Variants in CDH13 observed in about 807,000 individuals in gnomAD.
CDH13 encodes the protein cadherin-13.
A neutral mutation model predicts 63.8 loss-of-function variants in CDH13; 24 were observed. That is an observed-to-expected ratio of 0.38 (90% CI 0.27 to 0.53). The LOEUF (loss-of-function observed/expected upper bound fraction) is 0.53, where lower values mean the gene tolerates loss of function less well. Ranked by LOEUF, CDH13 falls within the 20% of genes least tolerant of loss-of-function variation. The pLI, the probability that CDH13 is intolerant of heterozygous loss-of-function variation, is 0.85. For missense variants in CDH13, 1,049 were observed against 903.1 expected (o/e 1.16, Z -2.07); for synonymous variants, 503 against 355.3 (o/e 1.42, Z -4.67).
intron 7 of CDH13, among the ~76,000 whole-genome samples, chr16:83,569,489 A>G (rs1359463595): frequency 6.6e-6 from 1 of 152,238 alleles, no homozygotes; most frequent in Non-Finnish European, 1.5e-5. Flanking sequence ...ACTATGCTTG[A>G]AATATATTTG....
intron 5 of CDH13, among the ~76,000 whole-genome samples, chr16:83,340,721 G>C (rs2090703185): frequency 6.6e-6 from 1 of 152,130 alleles, no homozygotes; most frequent in South Asian, 2.1e-4. Context: ...TGAATAGCAA[G>C]GTACTAGAAC....
chr16:83,780,751 C>G (rs569437431), intron 12 of CDH13, among the ~76,000 whole-genome samples: 170 of 152,288 alleles, frequency 1.1e-3, no homozygotes, highest in African/African-American at 3.8e-3. Flanking sequence ...TTGTAACTAG[C>G]TTACAAAGAA....
At chr16:82,997,829 G>A (rs1912415060) in intron 2 of CDH13, among the ~76,000 whole-genome samples, 1 of 152,118 alleles carries the variant, frequency 6.6e-6, no homozygotes, top group South Asian at 2.1e-4. Flanking sequence ...TTTTTAAATG[G>A]TAGGGAGTCA....
At chr16:83,402,717 C>G (rs1043711372) in intron 6 of CDH13, among the ~76,000 whole-genome samples, 6 of 152,202 alleles carry the variant, frequency 3.9e-5, no homozygotes, top group African/African-American at 1.4e-4. Flanking sequence ...GCCCAACACT[C>G]AGGAATCTGG....
intron 1 of CDH13, among the ~76,000 whole-genome samples, chr16:82,643,964 G>T (rs1043912564): frequency 4.6e-5 from 7 of 152,058 alleles, no homozygotes; most frequent in Non-Finnish European, 8.8e-5. Flanking sequence ...TGCCCATGCT[G>T]GTCTCGAACT....
chr16:83,720,257 C>T (rs1909511597), intron 10 of CDH13, among the ~76,000 whole-genome samples: 1 of 152,110 alleles, frequency 6.6e-6, no homozygotes. Flanking sequence ...CACACATTCA[C>T]ACACCACTCC....
At chr16:83,389,427 C>A (rs1291356740) in intron 6 of CDH13, among the ~76,000 whole-genome samples, 3 of 152,166 alleles carry the variant, frequency 2.0e-5, no homozygotes, top group East Asian at 1.9e-4. Flanking sequence ...TCCCATTTGA[C>A]CCCGAATTCC....
rs1359315215 is a variant in CDH13, at chr16:83,478,848, A to AG, written c.782-7629_782-7628insG. 4.0e-5 allele frequency among the ~76,000 whole-genome samples: 6 copies of AG among 150,550 alleles called. No homozygotes were observed. The South Asian group carries it at 6.3e-4, about 16-fold the overall frequency. On this transcript the variant is annotated intron_variant, in intron 6 of 13. Transcript: ENST00000567109. ...CTTTTGAAGATGAGAAAAAAAAAAA[A>AG]AAAAAGAAAAAAAGAAAAAGCTGAA...
chr16:82,757,061 G>C (rs1160838721), intron 1 of CDH13, among the ~76,000 whole-genome samples: 1 of 152,044 alleles, frequency 6.6e-6, no homozygotes. Flanking sequence ...TGGGGACATT[G>C]ACGCTCCTCC....
chr16:83,059,797 T>G (rs11861860), intron 3 of CDH13, among the ~76,000 whole-genome samples: 7,711 of 81,478 alleles, frequency 0.095, 704 homozygotes, highest in African/African-American at 0.26. Flanking sequence ...TTGTTTGTTT[T>G]TTTTTTTTTT....
intron 1 of CDH13, among the ~76,000 whole-genome samples, chr16:82,757,121 A>G (rs2034640754): frequency 6.6e-6 from 1 of 152,094 alleles, no homozygotes; most frequent in South Asian, 2.1e-4. Flanking sequence ...TAGTTCATAC[A>G]GTGGTCACAG....
intron 1 of CDH13, among the ~76,000 whole-genome samples, chr16:82,762,289 G>A (rs574972186): frequency 8.5e-5 from 13 of 152,128 alleles, no homozygotes; most frequent in Admixed American, 1.3e-4. Flanking sequence ...CTTCTGTGCC[G>A]TTAGAATTGA....
At chr16:83,249,825 C>T (rs1181040672) in intron 5 of CDH13, among the ~76,000 whole-genome samples, 1 of 152,166 alleles carries the variant, frequency 6.6e-6, no homozygotes, top group Non-Finnish European at 1.5e-5. Context: ...TGTTACAGAT[C>T]ATTTACCAAA....
intron 6 of CDH13, among the ~76,000 whole-genome samples, chr16:83,461,511 G>A (rs937004518): frequency 6.6e-6 from 1 of 152,092 alleles, no homozygotes; most frequent in African/African-American, 2.4e-5. Context: ...ACTAAATTGA[G>A]GTGAGACCCC....
intron 11 of CDH13, among the ~76,000 whole-genome samples, chr16:83,773,470 G>C (rs1046361678): frequency 6.6e-6 from 1 of 152,160 alleles, no homozygotes; most frequent in East Asian, 1.9e-4. Context: ...GGAGAGAGAA[G>C]TGCTAGCAGG....
chr16:83,356,734 G>A (rs893928169), intron 6 of CDH13, among the ~76,000 whole-genome samples: 6 of 152,150 alleles, frequency 3.9e-5, no homozygotes, highest in African/African-American at 1.4e-4. Flanking sequence ...TCAATGGGAA[G>A]AGGGTATATA....
chr16:83,748,898 G>A (rs888330319), intron 11 of CDH13, among the ~76,000 whole-genome samples: 1 of 152,204 alleles, frequency 6.6e-6, no homozygotes, highest in Non-Finnish European at 1.5e-5. Flanking sequence ...AGATCAGACT[G>A]TAGGGCACAA....
chr16:82,861,707 C>G (rs2039953049), intron 2 of CDH13, among the ~76,000 whole-genome samples: 1 of 152,162 alleles, frequency 6.6e-6, no homozygotes, highest in Non-Finnish European at 1.5e-5. Flanking sequence ...GTTCTGAAGC[C>G]TTTTATTTGC....
At position 82,822,736 on chromosome 16, in the gene CDH13, C is replaced by T. The variant is rs143956754; in HGVS notation, c.46-35626C>T. Among the ~76,000 whole-genome samples, 143 of 152,320 alleles carry T rather than the reference C, an allele frequency of 9.4e-4. No homozygotes were observed. The East Asian group carries it at 0.021, about 22-fold the overall frequency. On this transcript the variant is annotated intron_variant, in intron 1 of 13. Transcript: ENST00000567109. The stretch of plus-strand genomic sequence containing the variant: ...TCTTGAACTTCTGGGCTCAAGCCAT[C>T]CTCCCACCTTGGCCTCCCAAAGTGC...
Sources: gnomAD v4.1 joint callset for allele counts (sites outside exome capture counted in the v4.1 genomes callset) on GRCh38, gnomAD v4.1.1 for gene constraint, MANE v1.5 for transcripts, NCBI Gene and HGNC (gene_info 2026-07-23, HGNC 2026-07-21) for gene names.